RNF152: variants seen among roughly 807,000 people sequenced by gnomAD.
RNF152 encodes the protein ring finger protein 152, also known as E3 ubiquitin-protein ligase RNF152.
In RNF152, 11 loss-of-function variants were observed where a neutral mutation model predicts 12.7. The observed-to-expected ratio is 0.86, with a 90% CI of 0.54 to 1.43. RNF152 has a LOEUF of 1.43. Among genes scored for constraint, RNF152 ranks in the 40% most tolerant of loss-of-function variants. RNF152 has a pLI of 0.00. For missense variants in RNF152, 255 were observed against 274.8 expected (o/e 0.93, Z 0.51); for synonymous variants, 113 against 120.3 (o/e 0.94, Z 0.40).
chr18:61,885,896 T>C (rs1599328830), intron 1 of RNF152, among the ~76,000 whole-genome samples: 3 of 151,694 alleles, frequency 2.0e-5, no homozygotes, highest in East Asian at 3.9e-4. Context: ...CGTTAGATTG[T>C]GGGGTGGTCT....
intron 1 of RNF152, among the ~76,000 whole-genome samples, chr18:61,832,527 A>T (rs1909997409): frequency 6.6e-6 from 1 of 152,196 alleles, no homozygotes; most frequent in Non-Finnish European, 1.5e-5. Flanking sequence ...TTTAATCCAC[A>T]AATAACTGCT....
intron 1 of RNF152, among the ~76,000 whole-genome samples, chr18:61,866,547 G>A (rs747570247): frequency 8.5e-5 from 13 of 152,172 alleles, no homozygotes; most frequent in Non-Finnish European, 1.3e-4. Context: ...CAGGGCCTAC[G>A]CATCCTTTGG....
At chr18:61,871,120 G>T (rs1234706356) in intron 1 of RNF152, among the ~76,000 whole-genome samples, 2 of 151,996 alleles carry the variant, frequency 1.3e-5, no homozygotes, top group Non-Finnish European at 2.9e-5. Context: ...CCTCTCGGAG[G>T]TGTGTACATG....
intron 1 of RNF152, among the ~76,000 whole-genome samples, chr18:61,869,300 C>A (rs1164072344): frequency 6.6e-6 from 1 of 152,240 alleles, no homozygotes; most frequent in African/African-American, 2.4e-5. Flanking sequence ...TCCAATCATA[C>A]TTCCAAGCAA....
intron 1 of RNF152, among the ~76,000 whole-genome samples, chr18:61,824,947 AC>A (rs1909588893): frequency 1.3e-5 from 2 of 152,206 alleles, no homozygotes; most frequent in African/African-American, 4.8e-5. Context: ...TGACAGATAG[AC>A]AGACAGGCAG....
rs1360479085 is a variant in RNF152 at position 61,811,915 on chromosome 18, T to C, written c.*3937A>G. The C allele has an allele frequency of 3.9e-5, 6 of 152,354 alleles. No homozygotes were observed. The South Asian group carries it at 1.0e-3, about 26-fold the overall frequency. 9.4% of individuals were successfully genotyped at this position (152,354 alleles called of 1,614,324 possible). ...AGAAAAGGGGCTTAATAAAGCATTC[T>C]TTAAGCTTCACTGATCATTCCTTGG... is the stretch of plus-strand genomic sequence containing the variant. On this transcript the variant is annotated 3_prime_UTR_variant, in exon 2 of 2. Coordinates refer to ENST00000312828, the MANE Select transcript of RNF152 (RefSeq NM_173557.3).
At chr18:61,847,962 G>A (rs774508796) in intron 1 of RNF152, among the ~76,000 whole-genome samples, 1 of 151,960 alleles carries the variant, frequency 6.6e-6, no homozygotes, top group Non-Finnish European at 1.5e-5. Context: ...CCACACTCAC[G>A]CTTCCCTTCG....
chr18:61,824,466 T>C (rs1275120002), intron 1 of RNF152, among the ~76,000 whole-genome samples: 1 of 152,228 alleles, frequency 6.6e-6, no homozygotes, highest in Admixed American at 6.5e-5. Flanking sequence ...TATCTGTTAG[T>C]GATCTGGCAA....
Position 61,826,946 on chromosome 18 carries a change from G to A in RNF152, c.-135-10348C>T, listed in dbSNP as rs553406072. ...AGACAACCAGAAAGAGCTGAGCAAA[G>A]AACATAAACAATGGCCATCATTTAC... On this transcript the variant is annotated intron_variant, in intron 1 of 1. Transcript: ENST00000312828. 2.2e-4 allele frequency among the ~76,000 whole-genome samples: 34 copies of A among 152,246 alleles called. 1 individual carries two copies. Among genetic ancestry groups the A allele is most frequent in the South Asian group, 6.2e-4 (3 of 4,820 alleles).
At chr18:61,831,964 T>C (rs1599275003) in intron 1 of RNF152, among the ~76,000 whole-genome samples, 1 of 152,110 alleles carries the variant, frequency 6.6e-6, no homozygotes, top group Non-Finnish European at 1.5e-5. Flanking sequence ...TCTTGATCTG[T>C]AATCATACTC....
intron 1 of RNF152, among the ~76,000 whole-genome samples, chr18:61,839,047 CTG>C (rs889933481): frequency 8.2e-5 from 11 of 133,448 alleles, no homozygotes; most frequent in African/African-American, 2.8e-4. Context: ...AGATCCCACT[CTG>C]TGGCCAAAAA....
intron 1 of RNF152, among the ~76,000 whole-genome samples, chr18:61,832,831 C>G (rs1489793051): frequency 6.6e-6 from 1 of 152,186 alleles, no homozygotes; most frequent in Admixed American, 6.5e-5. Flanking sequence ...GTTTCAATCA[C>G]CAAATAGTAA....
intron 1 of RNF152, among the ~76,000 whole-genome samples, chr18:61,833,780 G>C (rs557107110): frequency 2.0e-5 from 3 of 152,262 alleles, no homozygotes; most frequent in Non-Finnish European, 4.4e-5. Context: ...ACAATTTGAA[G>C]AGATTTTTCT....
chr18:61,891,452 C>T (rs1568070288), intron 1 of RNF152, among the ~76,000 whole-genome samples: 1 of 152,092 alleles, frequency 6.6e-6, no homozygotes, highest in Non-Finnish European at 1.5e-5. Context: ...AAAACCACAC[C>T]CTTGTTTCTA....
intron 1 of RNF152, among the ~76,000 whole-genome samples, chr18:61,822,265 A>T (rs1269969720): frequency 6.6e-6 from 1 of 152,218 alleles, no homozygotes; most frequent in South Asian, 2.1e-4. Context: ...TATTTCAAAC[A>T]TAACCTCATA....
chr18:61,853,090 T>C lies in RNF152; in HGVS notation c.-135-36492A>G, dbSNP rs143835413. On this transcript the variant is annotated intron_variant, in intron 1 of 1. Coordinates refer to ENST00000312828, the MANE Select transcript of RNF152 (RefSeq NM_173557.3). ...AAGATACAATGTCACATTTAACTAC[T>C]ACAAGAACTGGGATAGGCAAGTTTA... is the stretch of plus-strand genomic sequence containing the variant. 4.7e-3 allele frequency among the ~76,000 whole-genome samples: 719 copies of C among 152,304 alleles called. 6 individuals are homozygous for C. Among genetic ancestry groups the C allele is most frequent in the Non-Finnish European group, 8.8e-3 (600 of 68,022 alleles).
rs186631494 is a variant in RNF152 at position 61,869,754 on chromosome 18, C to T, written c.-136+23041G>A. On this transcript the variant is annotated intron_variant, in intron 1 of 1. Transcript: ENST00000312828. ...ATGTAACTGAGTGGGCACACACACA[C>T]GCACGCACACACATGCACACACCCG... 6.6e-5 allele frequency among the ~76,000 whole-genome samples: 10 copies of T among 152,284 alleles called. No homozygotes were observed. The East Asian group carries it at 1.3e-3, about 21-fold the overall frequency.
chr18:61,830,850 G>A (rs1163540591), intron 1 of RNF152, among the ~76,000 whole-genome samples: 1 of 152,184 alleles, frequency 6.6e-6, no homozygotes, highest in Non-Finnish European at 1.5e-5. Flanking sequence ...ACAAAGGTCA[G>A]TGAAGAGAGT....
chr18:61,893,900 A>G (rs1407783636), upstream of RNF152: 6 of 152,050 alleles, frequency 3.9e-5, no homozygotes, highest in East Asian at 1.2e-3. Context: ...CTCTCAGGAG[A>G]CACGCAACTC....
Sources: gnomAD v4.1 joint callset for allele counts (sites outside exome capture counted in the v4.1 genomes callset) on GRCh38, gnomAD v4.1.1 for gene constraint, MANE v1.5 for transcripts, NCBI Gene and HGNC (gene_info 2026-07-23, HGNC 2026-07-21) for gene names.